The following ARHGEF6 variants were observed in gnomAD, a reference collection of about 807,000 sequenced individuals.
ARHGEF6 encodes rho guanine nucleotide exchange factor 6.
ARHGEF6 carries 9 observed loss-of-function variants against 70.3 expected under a neutral mutation model. That is an observed-to-expected ratio of 0.13 (90% CI 0.08 to 0.22). The LOEUF (loss-of-function observed/expected upper bound fraction) is 0.22, where lower values mean the gene tolerates loss of function less well. Ranked by LOEUF, ARHGEF6 falls within the 10% of genes least tolerant of loss-of-function variation. The pLI is 1.00. For missense variants in ARHGEF6, 470 were observed against 563.0 expected, an observed-to-expected ratio of 0.83 and a Z score of 1.67; for synonymous variants, 201 against 207.8, an observed-to-expected ratio of 0.97 and a Z score of 0.28.
At chrX:136,745,728 T>C (rs1028780663) in intron 3 of ARHGEF6, among the ~76,000 whole-genome samples, 3 of 111,880 alleles carry the variant, frequency 2.7e-5, no homozygotes, top group Admixed American at 9.5e-5. Flanking sequence ...ATTTCTCTCT[T>C]TGTTTTTTGG....
At chrX:136,759,664 T>C (rs1162385416) in intron 2 of ARHGEF6, among the ~76,000 whole-genome samples, 2 of 109,406 alleles carry the variant, frequency 1.8e-5, no homozygotes, top group Non-Finnish European at 3.8e-5. Context: ...ATAATGTCCA[T>C]GCTTCCAAGA....
chrX:136,753,956 C>CTTTACAT (rs1314469570), intron 2 of ARHGEF6, among the ~76,000 whole-genome samples: 1 of 112,026 alleles, frequency 8.9e-6, no homozygotes, highest in Non-Finnish European at 1.9e-5. Flanking sequence ...TATAAAGTCA[C>CTTTACAT]TTTACATAAC....
chrX:136,766,887 CG>C (rs2077319642), intron 2 of ARHGEF6, among the ~76,000 whole-genome samples: 2 of 112,537 alleles, frequency 1.8e-5, no homozygotes, highest in Non-Finnish European at 3.8e-5. Context: ...GCAAACCTTG[CG>C]GCCAGAGCTG....
intron 9 of ARHGEF6, among the ~76,000 whole-genome samples, chrX:136,699,399 G>A (rs1169647256): frequency 1.8e-5 from 2 of 110,167 alleles, no homozygotes; most frequent in African/African-American, 3.3e-5. Flanking sequence ...TAACAAAAAC[G>A]TTTAAAATAA....
chrX:136,733,236 TATTTTA>T (rs2076953964), intron 5 of ARHGEF6, among the ~76,000 whole-genome samples: 1 of 111,710 alleles, frequency 9.0e-6, no homozygotes. Context: ...CTTTGGTTTA[TATTTTA>T]ATTTTAACTT....
intron 6 of ARHGEF6, among the ~76,000 whole-genome samples, chrX:136,722,569 T>C (rs1045444916): frequency 8.9e-6 from 1 of 112,029 alleles, no homozygotes; most frequent in African/African-American, 3.2e-5. Context: ...CATCATTAAC[T>C]ATTAGGAAAA....
At chrX:136,735,433 T>C (rs1417328184) in intron 5 of ARHGEF6, among the ~76,000 whole-genome samples, 1 of 110,241 alleles carries the variant, frequency 9.1e-6, no homozygotes, top group Non-Finnish European at 1.9e-5. Context: ...AAGGAATGAA[T>C]ATGTGGAGGT....
intron 5 of ARHGEF6, among the ~76,000 whole-genome samples, chrX:136,735,715 T>G (rs1393657603): frequency 8.9e-6 from 1 of 111,953 alleles, no homozygotes; most frequent in Admixed American, 9.5e-5. Flanking sequence ...AACTTTTGAT[T>G]CTTTCTCTTC....
intron 10 of ARHGEF6, among the ~76,000 whole-genome samples, chrX:136,690,180 G>A (rs918154565): frequency 1.8e-5 from 2 of 111,831 alleles, no homozygotes; most frequent in Non-Finnish European, 3.8e-5. Flanking sequence ...AAATATTCCT[G>A]TCTATAGTGA....
rs1603351064 is a variant in ARHGEF6, at chrX:136,743,673, T to C, written c.573A>G (p.Arg191=). The C allele has an allele frequency of 2.4e-5, 29 of 1,211,764 alleles. No individual in the cohort carries two copies. The highest frequency in any genetic ancestry group is 3.2e-5 in the Non-Finnish European group (29 of 895,352). The change falls in exon 5 of 22, where the codon CGA becomes CGG. Residue 191 remains arginine, a synonymous_variant. Coordinates refer to ENST00000250617, the MANE Select transcript of ARHGEF6 (RefSeq NM_004840.3). ...VCKGDIIYVT[R]VEEGGWWEGT... Reference sequence around the variant, plus strand: ...CTTCCCACCAGCCTCCTTCTTCAACTCGTGTGACGTAAATGATGTCCCCCT... The same window carrying C: ...CTTCCCACCAGCCTCCTTCTTCAACCCGTGTGACGTAAATGATGTCCCCCT...
At chrX:136,677,853 C>T in intron 17 of ARHGEF6, 83 bp downstream of exon 17, 1 of 844,521 alleles carries the variant, frequency 1.2e-6, no homozygotes, top group Non-Finnish European at 1.7e-6. Flanking sequence ...ACAAAACAAG[C>T]ATAAGGGAAA....
intron 20 of ARHGEF6, 99 bp downstream of exon 20, chrX:136,671,921 G>T: frequency 2.9e-6 from 2 of 688,585 alleles, no homozygotes; most frequent in Non-Finnish European, 4.7e-6. Flanking sequence ...GTAAGGAGGA[G>T]TTGTCCCTCA....
intron 2 of ARHGEF6, chrX:136,768,698 A>C (rs1228638639): frequency 8.9e-6 from 1 of 112,081 alleles, no homozygotes; most frequent in East Asian, 2.8e-4. Flanking sequence ...CCTTGTGCCT[A>C]ACTCCTCCCA....
intron 5 of ARHGEF6, among the ~76,000 whole-genome samples, chrX:136,742,963 C>T (rs2077059471): frequency 9.0e-6 from 1 of 110,668 alleles, no homozygotes. Context: ...CAGAGTGAGA[C>T]CCTGTCTAAA....
At chrX:136,712,010 A>G (rs2076690562) in intron 7 of ARHGEF6, among the ~76,000 whole-genome samples, 1 of 113,046 alleles carries the variant, frequency 8.8e-6, no homozygotes, top group South Asian at 3.6e-4. Flanking sequence ...CAAAGGCATT[A>G]TAACTAAACA....
chrX:136,674,892 C>T, intron 19 of ARHGEF6, 115 bp downstream of exon 19: 1 of 652,234 alleles, frequency 1.5e-6, no homozygotes, highest in Non-Finnish European at 2.5e-6. Flanking sequence ...TGCACCAAGT[C>T]ACCTGCTTTC....
At chrX:136,761,212 A>C (rs1189565036) in intron 2 of ARHGEF6, among the ~76,000 whole-genome samples, 1 of 112,259 alleles carries the variant, frequency 8.9e-6, no homozygotes, top group Admixed American at 9.5e-5. Context: ...TGTTTTCAGC[A>C]GTTAAAAATT....
intron 6 of ARHGEF6, among the ~76,000 whole-genome samples, chrX:136,729,467 CA>C (rs749398050): frequency 0.14 from 1,760 of 12,349 alleles, 15 homozygotes; most frequent in African/African-American, 0.34. Context: ...GACTCCATCT[CA>C]AAAAAAAAAA....
chrX:136,697,689 G>A (rs953498938), intron 9 of ARHGEF6, among the ~76,000 whole-genome samples: 6 of 112,333 alleles, frequency 5.3e-5, no homozygotes, highest in African/African-American at 1.3e-4. Flanking sequence ...CTCTGTGAGC[G>A]AAATAGACTT....
Sources: gnomAD v4.1 joint callset for allele counts (sites outside exome capture counted in the v4.1 genomes callset) on GRCh38, gnomAD v4.1.1 for gene constraint, MANE v1.5 for transcripts, NCBI Gene and HGNC (gene_info 2026-07-23, HGNC 2026-07-21) for gene names.